ABCB9: variants seen among roughly 807,000 people sequenced by gnomAD.
ABCB9 encodes the protein ABC-type oligopeptide transporter ABCB9.
Under a neutral mutation model 62.0 loss-of-function variants are expected in ABCB9, and 36 were observed. That is an observed-to-expected ratio of 0.58 (90% confidence interval 0.45 to 0.77). The LOEUF (loss-of-function observed/expected upper bound fraction) is 0.77. Among genes scored for constraint, ABCB9 ranks in the 30% least tolerant of loss-of-function variants. The probability of loss-of-function intolerance (pLI) is 0.00; values close to 1 mark genes in which losing one functional copy is unlikely to be tolerated. For missense variants in ABCB9, 943 were observed against 1,054.7 expected (o/e 0.89, Z 1.47); for synonymous variants, 435 against 461.4 (o/e 0.94, Z 0.73).
Position 122,971,530 on chromosome 12 carries a change from T to C in ABCB9, c.-88+3185A>G, listed in dbSNP as rs1346974014. Reference sequence around the variant, plus strand: ...GGTTCAGCAGCATGACCTCTGCCCATGCAACCTCTGCTTCCCAGGTTCAAG... The same window carrying C: ...GGTTCAGCAGCATGACCTCTGCCCACGCAACCTCTGCTTCCCAGGTTCAAG... On this transcript the variant is annotated intron_variant, in intron 1 of 11. Transcript: ENST00000392439. Among the ~76,000 whole-genome samples, 4 of 152,268 alleles carry C rather than the reference T, an allele frequency of 2.6e-5. No individual in the cohort carries two copies. In the East Asian group the frequency reaches 7.7e-4, roughly 29 times the overall value.
chr12:122,950,906 G>A (rs959045263), intron 2 of ABCB9: 1 of 224,732 alleles, frequency 4.4e-6, no homozygotes, highest in Admixed American at 4.9e-5. Context: ...GTGCAGTGGT[G>A]TAATCATAGC....
In ABCB9 at chr12:122,940,258, G is replaced by T; in HGVS notation, c.1596C>A (p.Gly532=). The change falls in exon 9 of 12, where the codon GGC becomes GGA. Residue 532 remains glycine, a synonymous_variant. Transcript: ENST00000280560. The surrounding 1 kb of genome is among the most constrained non-coding windows in gnomAD (Gnocchi z 4.8). ...LQNVSFSLSP[G]KVTALVGPSG... is the part of the protein sequence containing the mutation. ...AGGGCCCCACCAGGGCCGTCACCTT[G>T]CCGGGGGACAGGCTGAAGGAGACAT... 2 of 1,606,168 alleles carry T rather than the reference G, an allele frequency of 1.2e-6. No individual in the cohort carries two copies. Among genetic ancestry groups the T allele is most frequent in the Non-Finnish European group, 1.7e-6 (2 of 1,175,408 alleles).
downstream of ABCB9, among the ~76,000 whole-genome samples, chr12:122,926,362 T>C (rs528490771): frequency 1.9e-3 from 290 of 150,926 alleles, 1 homozygote; most frequent in African/African-American, 6.7e-3. Context: ...CTGGCCAACA[T>C]GGTGAAACAC....
intron 11 of ABCB9, chr12:122,931,991 C>A: frequency 1.1e-6 from 1 of 898,260 alleles, no homozygotes; most frequent in Non-Finnish European, 1.7e-6. Flanking sequence ...CCATACAGCT[C>A]TGCCTGGAGC....
Position 122,964,006 on chromosome 12 carries a change from G to A in ABCB9, c.-88+2281C>T, listed in dbSNP as rs1408145857. Among the ~76,000 whole-genome samples the A allele has an allele frequency of 6.6e-6, 1 of 152,206 alleles. No homozygotes were observed. The highest frequency in any genetic ancestry group is 1.5e-5 in the Non-Finnish European group (1 of 68,018). The stretch of plus-strand genomic sequence containing the variant: ...AGCGAGTGGGTGAGCTCCAGTCAGA[G>A]CCCAGGGAGGGAAGCTCCTGGCCTG... On this transcript the variant is annotated intron_variant, in intron 1 of 11. Transcript: ENST00000280560. This position sits in a 1 kb window ranked among gnomAD's most constrained non-coding sequence, Gnocchi z 4.7.
At chr12:122,922,824 G>A (rs916208708) in intron 11 of ABCB9, among the ~76,000 whole-genome samples, 2 of 150,640 alleles carry the variant, frequency 1.3e-5, no homozygotes, top group East Asian at 2.0e-4. Flanking sequence ...AGAAGGTCTC[G>A]CTCTATCACC....
At chr12:122,931,960 G>T in intron 11 of ABCB9, 1 of 695,932 alleles carries the variant, frequency 1.4e-6, no homozygotes, top group Non-Finnish European at 2.3e-6. Context: ...TCCCCATTCT[G>T]ATGCCTTCTC....
At chr12:122,952,616 CAGAAA>C (rs1365275585) in intron 2 of ABCB9, 2 of 152,206 alleles carry the variant, frequency 1.3e-5, no homozygotes, top group Non-Finnish European at 2.9e-5. Context: ...AGTTTACCCA[CAGAAA>C]AGAAGAGGGC....
chr12:122,960,019 C>T lies in ABCB9; in HGVS notation c.217G>A (p.Ala73Thr). ...GCCCGCAGCCGCCGGGGCCCCAGCG[C>T]ACTGTTCTTGGCCACACCAATGGTG... is the stretch of plus-strand genomic sequence containing the variant. Reference protein sequence around the residue: ...GATIGVAKNSALGPRRLRASW... With the variant: ...GATIGVAKNSTLGPRRLRASW... The change falls in exon 2 of 12, where the codon GCG (alanine) becomes ACG (threonine). Residue 73 changes from alanine to threonine, a missense_variant. By Grantham distance (58) the Ala-to-Thr change is moderately conservative. Transcript: ENST00000280560. 1 of 1,613,430 alleles carries T rather than the reference C, an allele frequency of 6.2e-7. No individual in the cohort carries two copies. Among genetic ancestry groups the T allele is most frequent in the Non-Finnish European group, 8.5e-7 (1 of 1,180,038 alleles).
upstream of ABCB9, among the ~76,000 whole-genome samples, chr12:122,966,666 A>C (rs1237722411): frequency 6.6e-6 from 1 of 152,226 alleles, no homozygotes; most frequent in Non-Finnish European, 1.5e-5. Flanking sequence ...GGGCGGGGCC[A>C]CAGCTGGCCA....
chr12:122,972,767 C>A (rs549348166), intron 1 of ABCB9: 1 of 152,326 alleles, frequency 6.6e-6, no homozygotes, highest in South Asian at 2.1e-4. Context: ...CTGGCCTCAG[C>A]CTCCCAAAGT....
chr12:122,972,596 C>T (rs111341183), intron 1 of ABCB9, among the ~76,000 whole-genome samples: 2,927 of 152,114 alleles, frequency 0.019, 47 homozygotes, highest in South Asian at 0.061. Context: ...CTGCAGCCTC[C>T]GCCTCCTGGG....
chr12:122,952,709 C>G (rs1404835146), intron 2 of ABCB9: 1 of 152,224 alleles, frequency 6.6e-6, no homozygotes, highest in Non-Finnish European at 1.5e-5. Flanking sequence ...TTACTGGGTA[C>G]CAGGGGCTGT....
intron 9 of ABCB9, among the ~76,000 whole-genome samples, chr12:122,935,634 T>C (rs1052993034): frequency 6.6e-6 from 1 of 152,084 alleles, no homozygotes; most frequent in African/African-American, 2.4e-5. Context: ...CCTCCCCTAA[T>C]CAGCAAACTG....
intron 1 of ABCB9, among the ~76,000 whole-genome samples, chr12:122,972,097 T>G (rs1230327089): frequency 7.4e-6 from 1 of 135,142 alleles, no homozygotes; most frequent in African/African-American, 2.8e-5. Flanking sequence ...CAGGCTGGAG[T>G]GCAGTGGTGC....
chr12:122,950,053 C>G lies in ABCB9; in HGVS notation c.717-135G>C, dbSNP rs545293038. On this transcript the variant is annotated intron_variant, in intron 3 of 11. Transcript: ENST00000280560. The stretch of plus-strand genomic sequence containing the variant: ...TCCAGGGCTGGCATCCCTGCGGGGT[C>G]CCCCTCATTCCCAGTGGGAGCCCCC... 5.0e-6 allele frequency: 6 copies of G among 1,207,278 alleles called. No homozygotes were observed. In the African/African-American group the frequency reaches 9.0e-5, roughly 18 times the overall value. 74.8% of individuals were successfully genotyped at this position (1,207,278 alleles called of 1,614,324 possible).
At chr12:122,928,862 C>T, downstream of ABCB9, 1 of 282,190 alleles carries the variant, frequency 3.5e-6, no homozygotes, top group Non-Finnish European at 5.4e-6. Flanking sequence ...GGCTCCCAGA[C>T]ACAGGGGGAG....
chr12:122,937,051 G>A (rs1372298861), intron 9 of ABCB9, among the ~76,000 whole-genome samples: 1 of 152,066 alleles, frequency 6.6e-6, no homozygotes, highest in Non-Finnish European at 1.5e-5. Flanking sequence ...GTGACAGAGT[G>A]AGATCCTATC....
Position 122,932,320 on chromosome 12 carries a change from C to G in ABCB9, c.1912G>C (p.Glu638Gln). ...LQDGYSTETG[E>Q]KGAQLSGGQK... ...CCACCTGACAGCTGGGCGCCCTTCT[C>G]CCCTGTCTCTGTATGGTGGAGGCAC... The change falls in exon 11 of 12, where the codon GAG (glutamate) becomes CAG (glutamine). Residue 638 changes from glutamate (E) to glutamine (Q), a missense_variant. Physicochemically the swap from Glu to Gln is conservative, Grantham distance 29. Transcript: ENST00000280560. This position sits in a 1 kb window ranked among gnomAD's most constrained non-coding sequence, Gnocchi z 4.7. The G allele has an allele frequency of 6.4e-7, 1 of 1,550,800 alleles. No homozygotes were observed. Among genetic ancestry groups the G allele is most frequent in the Non-Finnish European group, 8.7e-7 (1 of 1,146,808 alleles).
Sources: allele counts gnomAD v4.1 joint callset (sites outside exome capture counted in the v4.1 genomes callset), GRCh38; gene constraint gnomAD v4.1.1; non-coding constraint Gnocchi (gnomAD v3.1); transcripts MANE v1.5; gene names NCBI Gene and HGNC (gene_info 2026-07-23, HGNC 2026-07-21).